CTTN: variants seen among roughly 807,000 people sequenced by gnomAD.
CTTN encodes cortactin, also known as src substrate cortactin.
Under a neutral mutation model 84.0 loss-of-function variants are expected in CTTN, and 28 were observed. The ratio of observed to expected loss-of-function variants is 0.33; its 90% CI spans 0.25 to 0.46. CTTN has a LOEUF of 0.46. Ranked by LOEUF, CTTN falls within the 20% of genes least tolerant of loss-of-function variation. The pLI is 1.00. For synonymous variants in CTTN, 301 were observed against 288.8 expected, an observed-to-expected ratio of 1.04 and a Z score of -0.43; for missense variants, 641 against 723.8, an observed-to-expected ratio of 0.89 and a Z score of 1.31.
chr11:70,424,086 CAGCGAGAGAG>C (rs1265398354), intron 12 of CTTN, among the ~76,000 whole-genome samples: 1 of 152,016 alleles, frequency 6.6e-6, no homozygotes, highest in Non-Finnish European at 1.5e-5. Flanking sequence ...ATGTGGGTGT[CAGCGAGAGAG>C]AGCTGGGGTA....
chr11:70,428,557 T>C (rs1315497365), intron 13 of CTTN, among the ~76,000 whole-genome samples: 1 of 152,048 alleles, frequency 6.6e-6, no homozygotes, highest in Non-Finnish European at 1.5e-5. Flanking sequence ...ACTCCTGATC[T>C]CAGTCTTCCC....
chr11:70,402,901 A>G (rs2058003095), intron 1 of CTTN, among the ~76,000 whole-genome samples: 1 of 152,082 alleles, frequency 6.6e-6, no homozygotes, highest in Non-Finnish European at 1.5e-5. Flanking sequence ...GAACTGCCAG[A>G]CCTTTTCCAT....
chr11:70,428,596 C>T (rs2058323196), intron 13 of CTTN, among the ~76,000 whole-genome samples: 1 of 152,188 alleles, frequency 6.6e-6, no homozygotes, highest in African/African-American at 2.4e-5. Flanking sequence ...GCTGGGATTA[C>T]AGGCATGAGC....
chr11:70,414,428 G>C, intron 5 of CTTN, 114 bp from the exon 6 acceptor site: 2 of 709,738 alleles, frequency 2.8e-6, no homozygotes, highest in South Asian at 3.7e-5. Flanking sequence ...GTGTGTTAAT[G>C]TAAGGTTTCC....
At chr11:70,423,319 C>G (rs1220270197) in intron 12 of CTTN, among the ~76,000 whole-genome samples, 1 of 152,202 alleles carries the variant, frequency 6.6e-6, no homozygotes, top group Non-Finnish European at 1.5e-5. Context: ...AACTTAAATT[C>G]TTAATAGTAA....
intron 1 of CTTN, among the ~76,000 whole-genome samples, chr11:70,401,693 G>T (rs2057984753): frequency 6.6e-6 from 1 of 151,982 alleles, no homozygotes; most frequent in African/African-American, 2.4e-5. Flanking sequence ...AATCAGCTTG[G>T]TGTGGTGGTG....
chr11:70,424,047 CTG>C (rs996567904), intron 12 of CTTN, among the ~76,000 whole-genome samples: 2 of 152,046 alleles, frequency 1.3e-5, no homozygotes, highest in Non-Finnish European at 2.9e-5. Flanking sequence ...GTGGGGCCAA[CTG>C]TGGAGCCGAA....
chr11:70,435,880 AG>A lies in CTTN; in HGVS notation c.*719del, dbSNP rs2058412625. ...CTGTCCCCGCCGGGCAGTGTCACTG[AG>A]TCCTTGAAATCCTCCCCTGCCCCGC... On this transcript the variant is annotated 3_prime_UTR_variant, in exon 18 of 18. Transcript: ENST00000301843. The A allele has an allele frequency of 6.7e-7, 1 of 1,493,178 alleles. No homozygotes were observed. Among genetic ancestry groups the A allele is most frequent in the Admixed American group, 2.5e-5 (1 of 39,590 alleles). 92.5% of individuals were successfully genotyped at this position (1,493,178 alleles called of 1,614,324 possible). A position where few individuals can be genotyped will look rare whatever the true frequency, so the allele number is the denominator to read the frequency against.
chr11:70,417,457 G>T (rs1011367527), intron 8 of CTTN, among the ~76,000 whole-genome samples: 1 of 151,004 alleles, frequency 6.6e-6, no homozygotes, highest in Non-Finnish European at 1.5e-5. Context: ...CCCCACCTTG[G>T]TTTCCTTAAG....
intron 1 of CTTN, 112 bp from the exon 2 acceptor site, chr11:70,405,153 C>G (rs765492838): frequency 1.3e-5 from 2 of 152,172 alleles, no homozygotes; most frequent in Non-Finnish European, 2.9e-5. Flanking sequence ...AACCTTGTTA[C>G]GTTTGGGAAG....
At chr11:70,410,017 G>A in intron 5 of CTTN, 57 bp downstream of exon 5, 1 of 1,591,580 alleles carries the variant, frequency 6.3e-7, no homozygotes, top group South Asian at 1.1e-5. Flanking sequence ...CCACTAGACT[G>A]GGTGGCAGAG....
At chr11:70,420,253 G>A (rs2058214893) in intron 9 of CTTN, 147 bp from the exon 10 acceptor site, 1 of 652,558 alleles carries the variant, frequency 1.5e-6, no homozygotes, top group South Asian at 1.9e-5. Flanking sequence ...CCTCTTCATG[G>A]ATGTTATCTA....
At chr11:70,420,982 C>T (rs1016469161) in intron 10 of CTTN, among the ~76,000 whole-genome samples, 2 of 152,204 alleles carry the variant, frequency 1.3e-5, no homozygotes, top group Non-Finnish European at 1.5e-5. Context: ...ACTTTTGAAC[C>T]GAAAGTGTTT....
Position 70,435,272 on chromosome 11 carries a change from T to TTC in CTTN, c.*111_*112insCT. On this transcript the variant is annotated 3_prime_UTR_variant, in exon 18 of 18. Transcript: ENST00000301843. ...TTTTCTGTTTTTTTTTTTTTTTTTTTTTTTTTGAAGGTGGGGAGGGGAATA... is the reference window on the plus strand; with the variant it reads ...TTTTCTGTTTTTTTTTTTTTTTTTTTTCTTTTTTGAAGGTGGGGAGGGGAATA... The TTC allele has an allele frequency of 7.2e-7, 1 of 1,393,990 alleles. No homozygotes were observed. The highest frequency in any genetic ancestry group is 2.7e-5 in the East Asian group (1 of 37,268). The allele number at this position is 1,393,990 out of a possible 1,614,324, so 86.4% of individuals were successfully genotyped here.
At position 70,420,515 on chromosome 11, in the gene CTTN, A is replaced by C. The variant is rs556567343; in HGVS notation, c.790+5A>C. On this transcript the variant is annotated splice_donor_5th_base_variant and intron_variant, in intron 10 of 17. Transcript: ENST00000301843. ...AGCTGCATGAATCCCAAAAAGGTAC[A>C]TTCACTCTGCCTGTATGCGAGATGG... 2 of 1,601,920 alleles carry C rather than the reference A, an allele frequency of 1.2e-6. No individual in the cohort carries two copies. Among genetic ancestry groups the C allele is most frequent in the East Asian group, 2.2e-5 (1 of 44,830 alleles).
intron 12 of CTTN, among the ~76,000 whole-genome samples, chr11:70,424,706 G>A (rs925911434): frequency 6.6e-6 from 1 of 151,938 alleles, no homozygotes; most frequent in African/African-American, 2.4e-5. Flanking sequence ...AAGGACAGGC[G>A]GGCCAGGAAG....
intron 8 of CTTN, among the ~76,000 whole-genome samples, chr11:70,418,590 C>CT (rs1444138957): frequency 6.6e-6 from 1 of 152,162 alleles, no homozygotes; most frequent in Non-Finnish European, 1.5e-5. Flanking sequence ...ACTGAAGTTT[C>CT]TGGAGGATGC....
At chr11:70,412,404 CAGAG>C (rs1182221883) in intron 5 of CTTN, among the ~76,000 whole-genome samples, 2 of 152,058 alleles carry the variant, frequency 1.3e-5, no homozygotes, top group African/African-American at 2.4e-5. Flanking sequence ...GCCTGGGCGA[CAGAG>C]AGAGACGCTG....
intron 4 of CTTN, chr11:70,407,923 C>T (rs767724298): frequency 1.1e-4 from 29 of 271,860 alleles, no homozygotes; most frequent in Non-Finnish European, 1.9e-4. Flanking sequence ...CTCTACCTTA[C>T]AAGCGAGAGG....
Sources: gnomAD v4.1 joint callset for allele counts (sites outside exome capture counted in the v4.1 genomes callset) on GRCh38, gnomAD v4.1.1 for gene constraint, MANE v1.5 for transcripts, NCBI Gene and HGNC (gene_info 2026-07-23, HGNC 2026-07-21) for gene names.